ZBTB38: variants seen among roughly 807,000 people sequenced by gnomAD.
The protein encoded by ZBTB38 is zinc finger and BTB domain-containing protein 38.
ZBTB38 carries 20 observed loss-of-function variants against 76.8 expected under a neutral mutation model. That is an observed-to-expected ratio of 0.26 (90% CI 0.18 to 0.38). ZBTB38 has a LOEUF of 0.38. Ranked by LOEUF, ZBTB38 falls within the 10% of genes least tolerant of loss-of-function variation. The pLI, the probability that ZBTB38 is intolerant of heterozygous loss-of-function variation, is 1.00. For missense variants in ZBTB38, 1,082 were observed against 1,482.3 expected, an observed-to-expected ratio of 0.73 and a Z score of 4.43; for synonymous variants, 504 against 544.2, an observed-to-expected ratio of 0.93 and a Z score of 1.03.
At chr3:141,371,642 C>T (rs1315326610) in intron 2 of ZBTB38, among the ~76,000 whole-genome samples, 2 of 152,112 alleles carry the variant, frequency 1.3e-5, no homozygotes, top group East Asian at 1.9e-4. Flanking sequence ...CGGGCCCAGC[C>T]GAGAAACATT....
intron 5 of ZBTB38, among the ~76,000 whole-genome samples, chr3:141,421,143 T>A (rs1289418891): frequency 1.3e-5 from 2 of 152,126 alleles, no homozygotes; most frequent in African/African-American, 4.8e-5. Context: ...TGTATAGTAG[T>A]CACTCCGTTT....
At chr3:141,391,241 A>G (rs1286588002) in intron 4 of ZBTB38, among the ~76,000 whole-genome samples, 2 of 152,212 alleles carry the variant, frequency 1.3e-5, no homozygotes, top group Non-Finnish European at 2.9e-5. Flanking sequence ...AAAATGGTTG[A>G]TCAGAATGTT....
At chr3:141,436,788 G>T (rs528412975) in intron 5 of ZBTB38, among the ~76,000 whole-genome samples, 1 of 152,158 alleles carries the variant, frequency 6.6e-6, no homozygotes, top group African/African-American at 2.4e-5. Flanking sequence ...ATGAGCCACC[G>T]CGCCCAGCCA....
At chr3:141,405,953 T>A (rs1336653320) in intron 5 of ZBTB38, among the ~76,000 whole-genome samples, 1 of 152,178 alleles carries the variant, frequency 6.6e-6, no homozygotes, top group Non-Finnish European at 1.5e-5. Context: ...AAAAAGCATC[T>A]AAGCAAGTCC....
upstream of ZBTB38, chr3:141,367,096 A>G (rs1052200299): frequency 2.0e-5 from 3 of 152,314 alleles, no homozygotes; most frequent in African/African-American, 4.8e-5. Context: ...CCTGCACTCT[A>G]AAACCACACC....
intron 3 of ZBTB38, among the ~76,000 whole-genome samples, chr3:141,383,873 A>G (rs1369498806): frequency 1.3e-5 from 2 of 152,226 alleles, no homozygotes; most frequent in African/African-American, 2.4e-5. Context: ...CTTTTAAATT[A>G]ATGTTTGTGC....
At chr3:141,340,974 G>GA (rs1239524456) in intron 1 of ZBTB38, among the ~76,000 whole-genome samples, 48 of 109,960 alleles carry the variant, frequency 4.4e-4, no homozygotes, top group Admixed American at 1.8e-3. Context: ...AAGAAAGAAA[G>GA]AAAGAAAGAA....
chr3:141,426,386 G>A (rs1239792670), intron 5 of ZBTB38, among the ~76,000 whole-genome samples: 4 of 152,190 alleles, frequency 2.6e-5, no homozygotes, highest in Non-Finnish European at 4.4e-5. Flanking sequence ...AAGTACACAC[G>A]ACCGTGCCTT....
At chr3:141,397,744 T>C (rs1276465500) in intron 4 of ZBTB38, among the ~76,000 whole-genome samples, 6 of 152,138 alleles carry the variant, frequency 3.9e-5, no homozygotes, top group Non-Finnish European at 8.8e-5. Flanking sequence ...AGTGGAACAG[T>C]CAGAACATAA....
intron 1 of ZBTB38, among the ~76,000 whole-genome samples, chr3:141,333,480 C>T (rs1576633749): frequency 6.6e-6 from 1 of 152,078 alleles, no homozygotes; most frequent in East Asian, 1.9e-4. Context: ...CACAGATGGC[C>T]TGCCACTCAG....
At position 141,368,667 on chromosome 3, in the gene ZBTB38, G is replaced by C. The variant is rs145999573; in HGVS notation, c.-447G>C. On this transcript the variant is annotated 5_prime_UTR_variant, in exon 1 of 6. Coordinates refer to ENST00000321464, the MANE Select transcript of ZBTB38 (RefSeq NM_001376113.1). The stretch of plus-strand genomic sequence containing the variant: ...TAGATCAACTTTCAAAATGTAGGAA[G>C]TCAGAATGGGTGACATCATCAGAAA... The C allele has an allele frequency of 6.6e-6, 1 of 152,218 alleles. No individual in the cohort carries two copies. Among genetic ancestry groups the C allele is most frequent in the African/African-American group, 2.4e-5 (1 of 41,530 alleles). 9.4% of individuals were successfully genotyped at this position (152,218 alleles called of 1,614,324 possible).
chr3:141,335,142 G>GAA (rs1329606903), intron 1 of ZBTB38, among the ~76,000 whole-genome samples: 1 of 152,230 alleles, frequency 6.6e-6, no homozygotes, highest in Non-Finnish European at 1.5e-5. Flanking sequence ...CATATCCCTG[G>GAA]AAAGGGTGCT....
chr3:141,424,664 G>T (rs1182411619), intron 5 of ZBTB38, among the ~76,000 whole-genome samples: 2 of 152,192 alleles, frequency 1.3e-5, no homozygotes. Context: ...GTGTGTGTGT[G>T]TGGTGGCCAA....
intron 1 of ZBTB38, among the ~76,000 whole-genome samples, chr3:141,348,991 A>G (rs1210882205): frequency 2.6e-5 from 4 of 152,202 alleles, no homozygotes; most frequent in Non-Finnish European, 5.9e-5. Context: ...AATCTTTGCA[A>G]TGCAAAATCT....
At chr3:141,371,047 T>A in intron 2 of ZBTB38, among the ~76,000 whole-genome samples, 2 of 87,782 alleles carry the variant, frequency 2.3e-5, no homozygotes, top group African/African-American at 1.4e-4. Flanking sequence ...CTTTCTTTCT[T>A]TTTTTTTTTT....
chr3:141,436,835 G>A lies in ZBTB38; in HGVS notation c.1-5554G>A, dbSNP rs538465819. ...TTTTATGTTAGAGTTTTTCAACATG[G>A]TTAACTAAGATTTTCAAAAACATAG... On this transcript the variant is annotated intron_variant, in intron 5 of 5. Coordinates refer to ENST00000321464, the MANE Select transcript of ZBTB38 (RefSeq NM_001376113.1). Among the ~76,000 whole-genome samples, 3 of 152,260 alleles carry A rather than the reference G, an allele frequency of 2.0e-5. No homozygotes were observed. In the East Asian group the frequency reaches 5.8e-4, roughly 29 times the overall value.
At chr3:141,431,576 C>T (rs2077622412) in intron 5 of ZBTB38, 2 of 152,016 alleles carry the variant, frequency 1.3e-5, no homozygotes, top group Admixed American at 6.6e-5. Context: ...CCTTTTCCCC[C>T]TTTCATCTTT....
chr3:141,366,149 AC>A (rs1943957928), upstream of ZBTB38: 1 of 152,190 alleles, frequency 6.6e-6, no homozygotes, highest in Non-Finnish European at 1.5e-5. Flanking sequence ...GTTAGTATCA[AC>A]CCCAGAGCAT....
In ZBTB38 at chr3:141,445,913, TG is replaced by T. The variant is rs2081049151; in HGVS notation, c.3527del (p.Gly1176ValfsTer32). 1.2e-6 allele frequency: 2 copies of T among 1,607,028 alleles called. No homozygotes were observed. The highest frequency in any genetic ancestry group is 2.2e-5 in the South Asian group (2 of 91,090). ...ATCCCTTGGAGAATCAACATTTCATTGGTTCAGAAGACAATGACCAAAAGGA... is the reference window on the plus strand; with the variant it reads ...ATCCCTTGGAGAATCAACATTTCATTGTTCAGAAGACAATGACCAAAAGGA... ...SNPLENQHFI[G>X]SEDNDQKDNI... On this transcript the variant is annotated frameshift_variant, in exon 6 of 6. Transcript: ENST00000321464. LOFTEE classifies it high-confidence loss of function. The surrounding 1 kb of genome is among the most constrained non-coding windows in gnomAD (Gnocchi z 6.5).
Sources: allele counts gnomAD v4.1 joint callset (sites outside exome capture counted in the v4.1 genomes callset), GRCh38; gene constraint gnomAD v4.1.1; non-coding constraint Gnocchi (gnomAD v3.1); transcripts MANE v1.5; gene names NCBI Gene and HGNC (gene_info 2026-07-23, HGNC 2026-07-21).